OPCML: variants seen among roughly 807,000 people sequenced by gnomAD.
The protein encoded by OPCML is opioid-binding protein/cell adhesion molecule.
In OPCML, 13 loss-of-function variants were observed where a neutral mutation model predicts 37.8. The observed-to-expected ratio is 0.34, with a 90% CI of 0.22 to 0.55. OPCML has a LOEUF of 0.55. Ranked by LOEUF, OPCML falls within the 20% of genes least tolerant of loss-of-function variation. The pLI is 0.91. For missense variants in OPCML, 341 were observed against 435.6 expected (o/e 0.78, Z 1.93); for synonymous variants, 176 against 168.8 (o/e 1.04, Z -0.33).
At chr11:132,443,203 G>A (rs531903660) in intron 4 of OPCML, among the ~76,000 whole-genome samples, 6 of 152,290 alleles carry the variant, frequency 3.9e-5, no homozygotes, top group African/African-American at 1.4e-4. Context: ...GGGGGCTTGT[G>A]CCACCAAGGA....
At chr11:133,022,631 G>C (rs537788805) in intron 1 of OPCML, among the ~76,000 whole-genome samples, 59 of 152,180 alleles carry the variant, frequency 3.9e-4, no homozygotes, top group Non-Finnish European at 6.5e-4. Context: ...AACCAAGGTG[G>C]AACAGAAGTC....
At chr11:132,600,311 C>G (rs1030451222) in intron 3 of OPCML, among the ~76,000 whole-genome samples, 2 of 152,212 alleles carry the variant, frequency 1.3e-5, no homozygotes, top group Non-Finnish European at 2.9e-5. Flanking sequence ...TTTCGGCCAG[C>G]CTTCATCTTT....
intron 3 of OPCML, among the ~76,000 whole-genome samples, chr11:132,562,297 G>A (rs1591553759): frequency 6.6e-6 from 1 of 151,860 alleles, no homozygotes; most frequent in Admixed American, 6.6e-5. Flanking sequence ...TAGGTCTCCT[G>A]TAAAGCACTA....
intron 1 of OPCML, among the ~76,000 whole-genome samples, chr11:133,474,633 T>A (rs1374662572): frequency 6.6e-6 from 1 of 152,196 alleles, no homozygotes; most frequent in Non-Finnish European, 1.5e-5. Flanking sequence ...TAGCCATGAT[T>A]CCTGGAGAGG....
At chr11:132,577,960 G>A (rs1035535235) in intron 3 of OPCML, among the ~76,000 whole-genome samples, 3 of 151,994 alleles carry the variant, frequency 2.0e-5, no homozygotes, top group Admixed American at 2.0e-4. Flanking sequence ...TGATAAAACA[G>A]GTAATGTCCC....
Position 132,499,247 on chromosome 11 carries a change from CAA to C in OPCML, c.505+29812_505+29813del, listed in dbSNP as rs61037081. On this transcript the variant is annotated intron_variant, in intron 4 of 7. Transcript: ENST00000524381. ...GCATAGGAATAGGAACGGCACCATG[CAA>C]AGAGCAGAGGAGCAGTCTGCAAAGA... Among the ~76,000 whole-genome samples the C allele has an allele frequency of 3.9e-5, 6 of 152,314 alleles. No individual in the cohort carries two copies. The South Asian group carries it at 1.2e-3, about 32-fold the overall frequency.
intron 1 of OPCML, among the ~76,000 whole-genome samples, chr11:133,529,028 T>G (rs893712327): frequency 6.6e-6 from 1 of 152,338 alleles, no homozygotes; most frequent in South Asian, 2.1e-4. Flanking sequence ...CAACATCTTC[T>G]TGCCCTTACT....
chr11:133,492,275 G>C (rs935093427), intron 1 of OPCML, among the ~76,000 whole-genome samples: 3 of 152,232 alleles, frequency 2.0e-5, no homozygotes, highest in Admixed American at 6.5e-5. Flanking sequence ...TTCTCTGGGA[G>C]AGGATCCATT....
At chr11:133,079,209 A>G (rs1948671442) in intron 1 of OPCML, among the ~76,000 whole-genome samples, 1 of 152,190 alleles carries the variant, frequency 6.6e-6, no homozygotes, top group South Asian at 2.1e-4. Context: ...ACGCATTTTA[A>G]GCTAGTGTAA....
chr11:132,814,712 A>G (rs950999498), intron 2 of OPCML, among the ~76,000 whole-genome samples: 10 of 152,344 alleles, frequency 6.6e-5, no homozygotes, highest in African/African-American at 2.2e-4. Context: ...TCACGTTGAC[A>G]TGTAAAAAAT....
intron 1 of OPCML, among the ~76,000 whole-genome samples, chr11:133,278,335 G>C (rs183276022): frequency 6.6e-6 from 1 of 152,036 alleles, no homozygotes; most frequent in Admixed American, 6.6e-5. Flanking sequence ...TTTAGGGGGG[G>C]TTATTGTTTG....
At chr11:133,168,512 AG>A (rs1950245042) in intron 1 of OPCML, among the ~76,000 whole-genome samples, 1 of 152,226 alleles carries the variant, frequency 6.6e-6, no homozygotes, top group African/African-American at 2.4e-5. Flanking sequence ...ATGTAAAAAA[AG>A]AAAAATTACA....
intron 2 of OPCML, among the ~76,000 whole-genome samples, chr11:132,857,964 C>A (rs1436716395): frequency 6.6e-6 from 1 of 152,032 alleles, no homozygotes; most frequent in East Asian, 1.9e-4. Flanking sequence ...GAGCACTGAA[C>A]CCCGAGGCAA....
chr11:133,140,576 GA>G (rs371998819), intron 1 of OPCML, among the ~76,000 whole-genome samples: 1,316 of 106,048 alleles, frequency 0.012, 7 homozygotes, highest in Middle Eastern at 0.02. Flanking sequence ...AGAAGAAGAA[GA>G]AAGAAGAAAA....
chr11:132,457,176 G>A (rs745995447), intron 4 of OPCML, among the ~76,000 whole-genome samples: 3 of 152,162 alleles, frequency 2.0e-5, no homozygotes, highest in Non-Finnish European at 4.4e-5. Flanking sequence ...ACCGTGTCAC[G>A]AAGCACAGAG....
chr11:133,293,577 C>T (rs1478425494), intron 1 of OPCML, among the ~76,000 whole-genome samples: 1 of 152,218 alleles, frequency 6.6e-6, no homozygotes, highest in East Asian at 1.9e-4. Flanking sequence ...GCACGTGCCA[C>T]GGAGAATCAA....
chr11:132,862,944 C>G (rs1361446820), intron 2 of OPCML, among the ~76,000 whole-genome samples: 1 of 152,188 alleles, frequency 6.6e-6, no homozygotes, highest in Non-Finnish European at 1.5e-5. Flanking sequence ...CATGGTTACA[C>G]TGAGATATTT....
chr11:132,564,448 C>G (rs1390039467), intron 3 of OPCML, among the ~76,000 whole-genome samples: 1 of 152,164 alleles, frequency 6.6e-6, no homozygotes. Context: ...GAACACATCT[C>G]TTATTTCTTC....
At chr11:133,396,246 A>C (rs1438159727) in intron 1 of OPCML, among the ~76,000 whole-genome samples, 1 of 152,086 alleles carries the variant, frequency 6.6e-6, no homozygotes, top group Non-Finnish European at 1.5e-5. Context: ...CAAATAAATT[A>C]TTTATACAAA....
Sources: allele counts gnomAD v4.1 joint callset (sites outside exome capture counted in the v4.1 genomes callset), GRCh38; gene constraint gnomAD v4.1.1; transcripts MANE v1.5; gene names NCBI Gene and HGNC (gene_info 2026-07-23, HGNC 2026-07-21).